The following C12orf60 variants were observed in gnomAD, a reference collection of about 807,000 sequenced individuals.
The protein encoded by C12orf60 is uncharacterized protein C12orf60.
For synonymous variants in C12orf60, 102 were observed against 94.6 expected, an observed-to-expected ratio of 1.08 and a Z score of -0.45; for missense variants, 284 against 283.2, an observed-to-expected ratio of 1.00 and a Z score of -0.02.
Position 14,823,630 on chromosome 12 carries a change from T to G in C12orf60, c.695T>G (p.Met232Arg). The G allele has an allele frequency of 6.3e-7, 1 of 1,592,378 alleles. No homozygotes were observed. Reference sequence around the variant, plus strand: ...ATCCTCCAAAAAGCGATAAAGACTATGGAAATGAATATTTCTGTGTTTAAG... The same window carrying G: ...ATCCTCCAAAAAGCGATAAAGACTAGGGAAATGAATATTTCTGTGTTTAAG... The part of the protein sequence containing the change: ...LEILQKAIKT[M>R]EMNISVFKKA... Residue 232 changes from methionine (M) to arginine (R), a missense_variant, in exon 2 of 2, where the codon ATG becomes AGG. Coordinates refer to ENST00000330828, the MANE Select transcript of C12orf60 (RefSeq NM_175874.4).
chr12:14,821,136 TTC>T (rs1424154024), intron 1 of C12orf60, among the ~76,000 whole-genome samples: 2 of 152,228 alleles, frequency 1.3e-5, no homozygotes, highest in African/African-American at 4.8e-5. Flanking sequence ...TGTTTTTCTG[TTC>T]TGTTTTTCAA....
chr12:14,823,818 G>T lies in C12orf60; in HGVS notation c.*145G>T. ...AAGTCATCTGGCAAAACATTTACCT[G>T]TAGTTTTGCTTTATTAAAATAAAAA... On this transcript the variant is annotated 3_prime_UTR_variant, in exon 2 of 2. Transcript: ENST00000330828. 1 of 602,516 alleles carries T rather than the reference G, an allele frequency of 1.7e-6. No individual in the cohort carries two copies. The highest frequency in any genetic ancestry group is 2.6e-6 in the Non-Finnish European group (1 of 387,944). The allele number at this position is 602,516 out of a possible 1,614,324, so 37.3% of individuals were successfully genotyped here. A position where few individuals can be genotyped will look rare whatever the true frequency, so the allele number is the denominator to read the frequency against.
At chr12:14,812,952 A>G (rs1160754807) in intron 1 of C12orf60, among the ~76,000 whole-genome samples, 1 of 152,180 alleles carries the variant, frequency 6.6e-6, no homozygotes, top group African/African-American at 2.4e-5. Flanking sequence ...CAAAAAGAGA[A>G]GTTCTTGCCT....
At chr12:14,820,370 T>C (rs575644220) in intron 1 of C12orf60, among the ~76,000 whole-genome samples, 3 of 152,152 alleles carry the variant, frequency 2.0e-5, no homozygotes, top group African/African-American at 7.2e-5. Context: ...TTTATTATTT[T>C]TTCCTTTTGC....
chr12:14,806,414 A>C, intron 1 of C12orf60: 5 of 1,614,132 alleles, frequency 3.1e-6, no homozygotes, highest in Non-Finnish European at 4.2e-6. Context: ...GCTCTAGCTT[A>C]TCTTTTAGTG....
chr12:14,806,160 A>G (rs745444977), intron 1 of C12orf60: 2 of 1,614,004 alleles, frequency 1.2e-6, no homozygotes, highest in South Asian at 2.2e-5. Flanking sequence ...ACGGACAATC[A>G]TATCTATGCC....
intron 1 of C12orf60, among the ~76,000 whole-genome samples, chr12:14,821,447 A>G (rs1185180929): frequency 6.6e-6 from 1 of 152,110 alleles, no homozygotes; most frequent in Non-Finnish European, 1.5e-5. Flanking sequence ...AGTTGGGGCC[A>G]CATCACCTCC....
intron 1 of C12orf60, among the ~76,000 whole-genome samples, chr12:14,819,712 G>A (rs570879449): frequency 6.6e-6 from 1 of 152,102 alleles, no homozygotes; most frequent in African/African-American, 2.4e-5. Flanking sequence ...ATTATTAATG[G>A]ATATTGAATA....
chr12:14,823,395 A>C lies in C12orf60; in HGVS notation c.460A>C (p.Ser154Arg). The C allele has an allele frequency of 1.2e-6, 2 of 1,614,132 alleles. No individual in the cohort carries two copies. The highest frequency in any genetic ancestry group is 1.7e-6 in the Non-Finnish European group (2 of 1,180,006). Residue 154 changes from serine to arginine, a missense_variant, in exon 2 of 2, where the codon AGT becomes CGT. Physicochemically the swap from Ser to Arg is moderately radical, Grantham distance 110. Coordinates refer to ENST00000330828, the MANE Select transcript of C12orf60 (RefSeq NM_175874.4). The stretch of plus-strand genomic sequence containing the variant: ...ATTCCCCATCATGAATCTTCAATTA[A>C]GTGACTTCTATACAGAAGACACCAA... ...MKFPIMNLQL[S>R]DFYTEDTKEQ...
chr12:14,823,244 T>C lies in C12orf60; in HGVS notation c.309T>C (p.Asn103=), dbSNP rs7307438. 1.9e-6 allele frequency: 3 copies of C among 1,613,850 alleles called. No individual in the cohort carries two copies. Among genetic ancestry groups the C allele is most frequent in the African/African-American group, 1.3e-5 (1 of 74,820 alleles). Residue 103 remains asparagine (N), a synonymous_variant, in exon 2 of 2, where the codon AAT becomes AAC. Transcript: ENST00000330828. The part of the protein sequence containing the change: ...AMCSVVQKST[N]VEELHQSAKE... ...GCTCTGTGGTTCAGAAGAGTACCAATGTAGAGGAGTTGCATCAGTCAGCTA... is the reference window on the plus strand; with the variant it reads ...GCTCTGTGGTTCAGAAGAGTACCAACGTAGAGGAGTTGCATCAGTCAGCTA...
intron 1 of C12orf60, among the ~76,000 whole-genome samples, chr12:14,810,324 G>C (rs1447733026): frequency 6.6e-6 from 1 of 152,158 alleles, no homozygotes; most frequent in Non-Finnish European, 1.5e-5. Context: ...GAAGAGGAGA[G>C]GTGGGGATTG....
rs1950336526 is a variant in C12orf60, at chr12:14,823,405, A to G, written c.470A>G (p.Tyr157Cys). 6.2e-7 allele frequency: 1 copy of G among 1,614,096 alleles called. No homozygotes were observed. The highest frequency in any genetic ancestry group is 1.1e-5 in the South Asian group (1 of 91,090). ...ATGAATCTTCAATTAAGTGACTTCT[A>G]TACAGAAGACACCAAAGAGCAATCA... ...PIMNLQLSDF[Y>C]TEDTKEQSDV... The change falls in exon 2 of 2, where the codon TAT becomes TGT. Residue 157 changes from tyrosine to cysteine, a missense_variant. Tyr to Cys is a radical substitution (Grantham distance 194, BLOSUM62 -2). Coordinates refer to ENST00000330828, the MANE Select transcript of C12orf60 (RefSeq NM_175874.4).
chr12:14,803,992 TAGAC>T (rs887788063), intron 1 of C12orf60, among the ~76,000 whole-genome samples: 7 of 152,302 alleles, frequency 4.6e-5, no homozygotes, highest in South Asian at 2.1e-4. Flanking sequence ...GGAAATTTAA[TAGAC>T]AGGCAGAACA....
At chr12:14,806,399 G>A in intron 1 of C12orf60, 1 of 1,614,110 alleles carries the variant, frequency 6.2e-7, no homozygotes, top group Non-Finnish European at 8.5e-7. Context: ...TTCTATAGAG[G>A]GTTGGCTCTA....
intron 1 of C12orf60, among the ~76,000 whole-genome samples, chr12:14,820,706 GA>G (rs1191760326): frequency 4.6e-5 from 7 of 151,746 alleles, no homozygotes; most frequent in African/African-American, 9.7e-5. Context: ...TTACATATAT[GA>G]AAAAAACTGC....
chr12:14,823,339 G>A lies in C12orf60; in HGVS notation c.404G>A (p.Ser135Asn), dbSNP rs1950335565. 3.1e-6 allele frequency: 5 copies of A among 1,614,110 alleles called. No individual in the cohort carries two copies. In the East Asian group the frequency reaches 8.9e-5, roughly 29 times the overall value. Reference protein sequence around the residue: ...SVLNSSNILGSLESSLSHLMK... With the variant: ...SVLNSSNILGNLESSLSHLMK... ...CTAAACAGCAGTAACATCCTTGGGA[G>A]TCTGGAATCTTCTCTTTCACACTTG... Residue 135 changes from serine (S) to asparagine (N), a missense_variant, in exon 2 of 2, where the codon AGT becomes AAT. Physicochemically the swap from Ser to Asn is conservative, Grantham distance 46. Transcript: ENST00000330828.
intron 1 of C12orf60, chr12:14,805,907 A>G: frequency 8.2e-7 from 1 of 1,226,286 alleles, no homozygotes; most frequent in East Asian, 2.3e-5. Context: ...TTAAGTCCAT[A>G]TTGGAAGCCT....
chr12:14,817,171 T>G (rs1950234289), intron 1 of C12orf60, among the ~76,000 whole-genome samples: 1 of 152,160 alleles, frequency 6.6e-6, no homozygotes, highest in Non-Finnish European at 1.5e-5. Context: ...TCTTCTGTAT[T>G]TTCTTCTGTT....
Position 14,817,801 on chromosome 12 carries a change from G to A in C12orf60, c.-24-5111G>A, listed in dbSNP as rs970115512. 8.5e-5 allele frequency among the ~76,000 whole-genome samples: 13 copies of A among 152,064 alleles called. No homozygotes were observed. The East Asian group carries it at 1.9e-3, about 23-fold the overall frequency. ...TGCTGCAATAAACATACATGTGCAT[G>A]TGTCTTCATAGTAGCATGATTTATA... On this transcript the variant is annotated intron_variant, in intron 1 of 1. Transcript: ENST00000330828.
Sources: gnomAD v4.1 joint callset for allele counts (sites outside exome capture counted in the v4.1 genomes callset) on GRCh38, gnomAD v4.1.1 for gene constraint, MANE v1.5 for transcripts, NCBI Gene and HGNC (gene_info 2026-07-23, HGNC 2026-07-21) for gene names.